The following FHOD3 variants were observed in gnomAD, a reference collection of about 807,000 sequenced individuals.
FHOD3 encodes formin homology 2 domain containing 3.
Under a neutral mutation model 173.0 loss-of-function variants are expected in FHOD3, and 90 were observed. That is an observed-to-expected ratio of 0.52 (90% CI 0.44 to 0.62). The LOEUF is 0.62. Among genes scored for constraint, FHOD3 ranks in the 20% least tolerant of loss-of-function variants. FHOD3 has a pLI of 0.00. For missense variants in FHOD3, 1,945 were observed against 2,034.7 expected, an observed-to-expected ratio of 0.96 and a Z score of 0.85; for synonymous variants, 828 against 823.0, an observed-to-expected ratio of 1.01 and a Z score of -0.10.
In FHOD3 at chr18:36,718,302, G is replaced by A; in HGVS notation, c.3004G>A (p.Glu1002Lys). 2.5e-6 allele frequency: 4 copies of A among 1,614,152 alleles called. No homozygotes were observed. Among genetic ancestry groups the A allele is most frequent in the Non-Finnish European group, 1.7e-6 (2 of 1,180,030 alleles). Residue 1002 changes from glutamate (E) to lysine (K), a missense_variant, in exon 19 of 29, where the codon GAG (glutamate) becomes AAG (lysine). This residue lies in a region of FHOD3 where 1,099 missense variants were observed against 1,051.2 expected (regional missense o/e 1.05). Transcript: ENST00000590592. ...AGACATGGATTTCACTGACCTGGGG[G>A]AGGAGGATGACATTGATGTCCTAGA... is the stretch of plus-strand genomic sequence containing the variant. The part of the protein sequence containing the change: ...IQDMDFTDLG[E>K]EDDIDVLDVD...
intron 18 of FHOD3, among the ~76,000 whole-genome samples, chr18:36,714,821 C>T (rs185191609): frequency 6.6e-6 from 1 of 152,340 alleles, no homozygotes; most frequent in Admixed American, 6.5e-5. Flanking sequence ...GGTTCAGTAG[C>T]TCCTTGTTCT....
intron 25 of FHOD3, among the ~76,000 whole-genome samples, chr18:36,755,816 A>G (rs2042611422): frequency 6.6e-6 from 1 of 152,196 alleles, no homozygotes; most frequent in African/African-American, 2.4e-5. Context: ...CCAAGATACA[A>G]TCTAATGGGC....
chr18:36,650,880 G>A (rs1344128236), intron 11 of FHOD3, among the ~76,000 whole-genome samples: 1 of 152,170 alleles, frequency 6.6e-6, no homozygotes, highest in African/African-American at 2.4e-5. Flanking sequence ...TCTTATGCCT[G>A]GAAGAGTCTC....
At chr18:36,340,825 G>C (rs144802477) in intron 1 of FHOD3, among the ~76,000 whole-genome samples, 1,956 of 151,974 alleles carry the variant, frequency 0.013, 18 homozygotes, top group Middle Eastern at 0.041. Flanking sequence ...TTTTAGTAGA[G>C]ACAGGGTTTC....
chr18:36,435,990 C>T (rs914757602), intron 3 of FHOD3, among the ~76,000 whole-genome samples: 3 of 152,138 alleles, frequency 2.0e-5, no homozygotes, highest in African/African-American at 7.2e-5. Context: ...AATCAGTGCA[C>T]TCCTTCCTTC....
intron 5 of FHOD3, among the ~76,000 whole-genome samples, chr18:36,568,924 G>A (rs997476622): frequency 2.8e-4 from 43 of 152,130 alleles, no homozygotes; most frequent in Non-Finnish European, 1.2e-4. Flanking sequence ...TTTTAATGCA[G>A]CCATTATGAA....
intron 14 of FHOD3, among the ~76,000 whole-genome samples, chr18:36,670,865 A>G (rs1446634795): frequency 1.3e-5 from 2 of 152,230 alleles, no homozygotes; most frequent in African/African-American, 4.8e-5. Context: ...CAGGTCTTGC[A>G]TAATTAGCTT....
At chr18:36,682,829 T>A (rs2038344012) in intron 15 of FHOD3, among the ~76,000 whole-genome samples, 1 of 152,208 alleles carries the variant, frequency 6.6e-6, no homozygotes. Flanking sequence ...TCCACCTGCC[T>A]CAGCCTCCCA....
At chr18:36,765,121 G>A (rs966611671) in intron 27 of FHOD3, among the ~76,000 whole-genome samples, 9 of 152,302 alleles carry the variant, frequency 5.9e-5, no homozygotes, top group Middle Eastern at 3.4e-3. Flanking sequence ...GGAGCACTGC[G>A]GGATGGGGGT....
intron 3 of FHOD3, among the ~76,000 whole-genome samples, chr18:36,474,672 A>T (rs576412409): frequency 6.6e-6 from 1 of 152,260 alleles, no homozygotes; most frequent in East Asian, 1.9e-4. Flanking sequence ...CCCACGGAAG[A>T]AACATGGGTG....
intron 19 of FHOD3, among the ~76,000 whole-genome samples, chr18:36,722,806 G>A (rs1319409683): frequency 2.6e-5 from 4 of 152,172 alleles, no homozygotes; most frequent in Non-Finnish European, 5.9e-5. Flanking sequence ...GGTGAAAAAT[G>A]AGGCGCTGAA....
chr18:36,666,868 G>A (rs2037215512), intron 14 of FHOD3, among the ~76,000 whole-genome samples: 1 of 152,146 alleles, frequency 6.6e-6, no homozygotes, highest in Non-Finnish European at 1.5e-5. Flanking sequence ...GAGATAATGT[G>A]CATATCCATC....
At chr18:36,303,178 C>T (rs2092000122) in intron 1 of FHOD3, among the ~76,000 whole-genome samples, 1 of 152,226 alleles carries the variant, frequency 6.6e-6, no homozygotes, top group Non-Finnish European at 1.5e-5. Context: ...GATGAGGAAT[C>T]CCCAATTAAC....
At chr18:36,615,451 T>G (rs2033109282) in intron 9 of FHOD3, among the ~76,000 whole-genome samples, 1 of 152,134 alleles carries the variant, frequency 6.6e-6, no homozygotes, top group South Asian at 2.1e-4. Flanking sequence ...ATTTTTAACA[T>G]TTTGGTCTAT....
chr18:36,309,688 A>G (rs1755904625), intron 1 of FHOD3, among the ~76,000 whole-genome samples: 1 of 152,208 alleles, frequency 6.6e-6, no homozygotes, highest in Admixed American at 6.5e-5. Context: ...ATCCAACCTC[A>G]GCAGCACCAT....
At chr18:36,517,524 A>G (rs1417520570) in intron 5 of FHOD3, among the ~76,000 whole-genome samples, 2 of 152,166 alleles carry the variant, frequency 1.3e-5, no homozygotes, top group Non-Finnish European at 2.9e-5. Context: ...ATAAATAGAA[A>G]CAGTAAGACC....
At chr18:36,656,792 A>G (rs1393236163) in intron 13 of FHOD3, among the ~76,000 whole-genome samples, 1 of 152,196 alleles carries the variant, frequency 6.6e-6, no homozygotes, top group African/African-American at 2.4e-5. Context: ...AGGGTTGCAT[A>G]ATAGTCCATT....
At position 36,654,401 on chromosome 18, in the gene FHOD3, G is replaced by GT. The variant is rs558709369; in HGVS notation, c.1721+993dup. 2.2e-3 allele frequency among the ~76,000 whole-genome samples: 329 copies of GT among 152,042 alleles called. 1 individual carries two copies. The highest frequency in any genetic ancestry group is 7.2e-3 in the African/African-American group (298 of 41,468). ...CCAAGTTTTGAGAAGCCTGTCTACA[G>GT]TTTTTTTTACTATAAGTTTAAATTG... On this transcript the variant is annotated intron_variant, in intron 13 of 28. Coordinates refer to ENST00000590592, the MANE Select transcript of FHOD3 (RefSeq NM_001281740.3).
intron 6 of FHOD3, 99 bp downstream of exon 6, chr18:36,576,644 T>A (rs1469856040): frequency 2.3e-6 from 2 of 882,242 alleles, no homozygotes; most frequent in Admixed American, 5.1e-5. Context: ...TTTATTCAGC[T>A]TTTTTCAAGC....
Sources: allele counts gnomAD v4.1 joint callset (sites outside exome capture counted in the v4.1 genomes callset), GRCh38; gene constraint gnomAD v4.1.1; regional missense constraint gnomAD v4.1.1; transcripts MANE v1.5; gene names NCBI Gene and HGNC (gene_info 2026-07-23, HGNC 2026-07-21).